SLC20A2: variants seen among roughly 807,000 people sequenced by gnomAD.
The protein encoded by SLC20A2 is sodium-dependent phosphate transporter 2.
In SLC20A2, 30 loss-of-function variants were observed where a neutral mutation model predicts 61.0. The ratio of observed to expected loss-of-function variants is 0.49; its 90% CI spans 0.37 to 0.67. SLC20A2 has a LOEUF of 0.67. SLC20A2 is among the 30% of genes least tolerant of loss of function. The probability of loss-of-function intolerance (pLI) is 0.00; values close to 1 mark genes in which losing one functional copy is unlikely to be tolerated. For synonymous variants in SLC20A2, 351 were observed against 353.3 expected (o/e 0.99, Z 0.07); for missense variants, 626 against 866.4 (o/e 0.72, Z 3.48).
chr8:42,525,879 T>A (rs1416045681), intron 1 of SLC20A2, among the ~76,000 whole-genome samples: 1 of 152,172 alleles, frequency 6.6e-6, no homozygotes, highest in Non-Finnish European at 1.5e-5. Flanking sequence ...TAGAACAATC[T>A]GAGCAATAAA....
chr8:42,428,098 C>T (rs1456138013), intron 10 of SLC20A2, among the ~76,000 whole-genome samples: 1 of 152,138 alleles, frequency 6.6e-6, no homozygotes, highest in African/African-American at 2.4e-5. Context: ...GTCCTCCCCA[C>T]CCTGGCCACC....
chr8:42,446,255 A>G (rs1259395177), intron 5 of SLC20A2, among the ~76,000 whole-genome samples: 2 of 152,236 alleles, frequency 1.3e-5, no homozygotes, highest in Non-Finnish European at 2.9e-5. Flanking sequence ...ACATTAGCCA[A>G]TCCAAGGGTG....
At chr8:42,459,269 TAAC>T (rs1806513951) in intron 5 of SLC20A2, among the ~76,000 whole-genome samples, 3 of 105,440 alleles carry the variant, frequency 2.8e-5, no homozygotes, top group Admixed American at 9.4e-5. Flanking sequence ...ACATAAAAAA[TAAC>T]AACAAAATCC....
chr8:42,497,714 G>T (rs1257938373), intron 1 of SLC20A2, among the ~76,000 whole-genome samples: 61 of 135,574 alleles, frequency 4.5e-4, no homozygotes, highest in South Asian at 3.3e-3. Context: ...CCCTCAATTG[G>T]TTTTTTTTTT....
chr8:42,484,819 A>G, intron 1 of SLC20A2: 1 of 316,016 alleles, frequency 3.2e-6, no homozygotes, highest in Non-Finnish European at 6.3e-6. Flanking sequence ...CTGGCCTTCC[A>G]GACCCCGAGG....
In SLC20A2 at chr8:42,465,840, T is replaced by C. The variant is rs1434408590; in HGVS notation, c.367A>G (p.Ile123Val). The C allele has an allele frequency of 1.9e-6, 3 of 1,613,998 alleles. No homozygotes were observed. Among genetic ancestry groups the C allele is most frequent in the Admixed American group, 1.7e-5 (1 of 59,994 alleles). ...SGTHCIVGST[I>V]GFSLVAIGTK... is the part of the protein sequence containing the mutation. ...CCGATTGCGACCAGTGAGAATCCTA[T>C]AGTAGAACCCACAATGCAGTGCGTT... Residue 123 changes from isoleucine to valine, a missense_variant, in exon 3 of 11, where the codon ATA becomes GTA. Around this residue, in one of 3 missense-constraint regions of SLC20A2, gnomAD observed 127 missense variants for 215.4 expected, o/e 0.59. Coordinates refer to ENST00000520262, the MANE Select transcript of SLC20A2 (RefSeq NM_001257180.2).
chr8:42,464,090 ATCTTTTTTTT>A (rs1806929375), intron 3 of SLC20A2, among the ~76,000 whole-genome samples: 5 of 20,024 alleles, frequency 2.5e-4, no homozygotes, highest in African/African-American at 5.5e-4. Flanking sequence ...AGGCTGGATG[ATCTTTTTTTT>A]TTTTTTTTTT....
chr8:42,458,991 G>A (rs1299596223), intron 5 of SLC20A2, among the ~76,000 whole-genome samples: 2 of 129,258 alleles, frequency 1.5e-5, no homozygotes, highest in Admixed American at 7.9e-5. Context: ...GAACAAAAGC[G>A]GCCAGGCGCA....
intron 5 of SLC20A2, among the ~76,000 whole-genome samples, chr8:42,458,096 T>C (rs533062630): frequency 6.6e-6 from 1 of 152,284 alleles, no homozygotes; most frequent in African/African-American, 2.4e-5. Flanking sequence ...AACCAAATCT[T>C]CATCCATAAC....
At chr8:42,459,257 A>AAAAAAAAAAAAAT (rs1563482766) in intron 5 of SLC20A2, among the ~76,000 whole-genome samples, 1 of 150,854 alleles carries the variant, frequency 6.6e-6, no homozygotes, top group African/African-American at 2.5e-5. Flanking sequence ...AAAAAAAAAA[A>AAAAAAAAAAAAAT]AACATAAAAA....
chr8:42,458,600 G>A (rs1166447423), intron 5 of SLC20A2, among the ~76,000 whole-genome samples: 2 of 144,108 alleles, frequency 1.4e-5, no homozygotes, highest in African/African-American at 2.6e-5. Context: ...TCCAGCCTGG[G>A]CAATAAAGAA....
intron 1 of SLC20A2, among the ~76,000 whole-genome samples, chr8:42,520,286 T>G (rs534224157): frequency 2.6e-5 from 4 of 151,374 alleles, no homozygotes; most frequent in Non-Finnish European, 5.9e-5. Context: ...AGTGCTGGGA[T>G]TACAGGCATG....
intron 6 of SLC20A2, among the ~76,000 whole-genome samples, chr8:42,443,194 TGTATA>T (rs1804912893): frequency 6.9e-6 from 1 of 145,618 alleles, no homozygotes; most frequent in Admixed American, 7.0e-5. Flanking sequence ...ATACAGTTAT[TGTATA>T]GTATAATTGT....
chr8:42,427,352 G>A (rs1361692630), intron 10 of SLC20A2, among the ~76,000 whole-genome samples: 1 of 152,248 alleles, frequency 6.6e-6, no homozygotes, highest in Non-Finnish European at 1.5e-5. Context: ...GAGAAGGTGT[G>A]TGGCCTGAGG....
At chr8:42,432,928 C>T (rs569988930) in intron 8 of SLC20A2, among the ~76,000 whole-genome samples, 16 of 152,150 alleles carry the variant, frequency 1.1e-4, no homozygotes, top group Non-Finnish European at 1.8e-4. Context: ...TATTGTGAAA[C>T]TTGTTTTATT....
intron 1 of SLC20A2, among the ~76,000 whole-genome samples, chr8:42,506,586 TA>T (rs1810725817): frequency 6.6e-6 from 1 of 152,172 alleles, no homozygotes; most frequent in Admixed American, 6.5e-5. Context: ...CTTCAAAAAA[TA>T]AAATGTTGAA....
intron 6 of SLC20A2, among the ~76,000 whole-genome samples, chr8:42,443,746 C>T (rs560915379): frequency 2.6e-5 from 4 of 152,292 alleles, no homozygotes; most frequent in South Asian, 4.1e-4. Flanking sequence ...CCTGAGCTGC[C>T]TTCTCCAACC....
intron 10 of SLC20A2, among the ~76,000 whole-genome samples, chr8:42,418,825 C>G (rs1230963662): frequency 1.3e-5 from 2 of 151,576 alleles, no homozygotes; most frequent in Non-Finnish European, 2.9e-5. Flanking sequence ...GGTGAAACCC[C>G]GTCTCTACTA....
At chr8:42,455,530 G>A (rs761709807) in intron 5 of SLC20A2, among the ~76,000 whole-genome samples, 22 of 151,544 alleles carry the variant, frequency 1.5e-4, no homozygotes, top group Admixed American at 3.9e-4. Flanking sequence ...TGTGGTGGTG[G>A]GCCCCTGTAG....
Sources: allele counts gnomAD v4.1 joint callset (sites outside exome capture counted in the v4.1 genomes callset), GRCh38; gene constraint gnomAD v4.1.1; regional missense constraint gnomAD v4.1.1; transcripts MANE v1.5; gene names NCBI Gene and HGNC (gene_info 2026-07-23, HGNC 2026-07-21).